Variants in MBNL2 observed in about 807,000 individuals in gnomAD.
MBNL2 encodes the protein muscleblind like splicing regulator 2, also known as muscleblind-like protein 2.
MBNL2 carries 17 observed loss-of-function variants against 41.9 expected under a neutral mutation model. The observed-to-expected ratio is 0.41, with a 90% CI of 0.28 to 0.61. The LOEUF (loss-of-function observed/expected upper bound fraction) is 0.61, where lower values mean the gene tolerates loss of function less well. Among genes scored for constraint, MBNL2 ranks in the 20% least tolerant of loss-of-function variants. The pLI is 0.35. For missense variants in MBNL2, 336 were observed against 505.6 expected (o/e 0.66, Z 3.22); for synonymous variants, 195 against 182.9 (o/e 1.07, Z -0.53).
chr13:97,193,338 G>A, the MBNL2 span, among the ~76,000 whole-genome samples: 1 of 152,214 alleles, frequency 6.6e-6, no homozygotes, highest in African/African-American at 2.4e-5. Context: ...AGGGCCCTAC[G>A]ACAGTTGAGG....
chr13:97,157,347 C>A, the MBNL2 span, among the ~76,000 whole-genome samples: 3 of 148,778 alleles, frequency 2.0e-5, no homozygotes, highest in African/African-American at 5.0e-5. Flanking sequence ...CAAACAGGGA[C>A]AAATTGACTT....
intron 8 of MBNL2, among the ~76,000 whole-genome samples, chr13:97,378,768 AT>A (rs936707896): frequency 3.3e-5 from 5 of 152,318 alleles, no homozygotes; most frequent in Admixed American, 6.5e-5. Flanking sequence ...CTGAAAAAAA[AT>A]TATTTAGGAT....
Position 97,248,289 on chromosome 13 carries a change from TTTTTGTATTTTTGTA to T in MBNL2, c.-605+25771_-605+25785del, listed in dbSNP as rs1345645942. Reference sequence around the variant, plus strand: ...GGCGTGTGCCACCACAACCAGTTAATTTTTGTATTTTTGTATTTTGTATTTTTAGTAGAGATGGGG... The same window carrying T: ...GGCGTGTGCCACCACAACCAGTTAATTTTTGTATTTTTAGTAGAGATGGGG... On this transcript the variant is annotated intron_variant, in intron 1 of 8. Coordinates refer to ENST00000679496, the MANE Select transcript of MBNL2 (RefSeq NM_001382683.1). Among the ~76,000 whole-genome samples the T allele has an allele frequency of 2.0e-5, 3 of 152,162 alleles. No individual in the cohort carries two copies. In the East Asian group the frequency reaches 5.8e-4, roughly 29 times the overall value.
At chr13:97,234,239 C>A (rs1367202472) in intron 1 of MBNL2, among the ~76,000 whole-genome samples, 1 of 152,180 alleles carries the variant, frequency 6.6e-6, no homozygotes, top group African/African-American at 2.4e-5. Flanking sequence ...TTTGGAGTAA[C>A]CCTAAGCAAA....
At position 97,357,485 on chromosome 13, in the gene MBNL2, T is replaced by G; in HGVS notation, c.862T>G (p.Phe288Val). The stretch of plus-strand genomic sequence containing the variant: ...TTATCGAATTCTTCATTTCTAGGCC[T>G]TTCCCCCTGGTGCTCTTCATCCTTT... ...RPLEATVDLA[F>V]PPGALHPLPK... is the part of the protein sequence containing the mutation. Residue 288 changes from phenylalanine (F) to valine (V), a missense_variant, in exon 7 of 9, where the codon TTT (phenylalanine) becomes GTT (valine). Transcript: ENST00000679496. 6.2e-7 allele frequency: 1 copy of G among 1,613,842 alleles called. No homozygotes were observed. The highest frequency in any genetic ancestry group is 8.5e-7 in the Non-Finnish European group (1 of 1,179,760).
the MBNL2 span, among the ~76,000 whole-genome samples, chr13:97,196,277 A>T: frequency 6.6e-6 from 1 of 152,186 alleles, no homozygotes; most frequent in Non-Finnish European, 1.5e-5. Context: ...AAGTATTAAG[A>T]TTGCACTACA....
chr13:97,280,712 C>G (rs1408421842), intron 2 of MBNL2, among the ~76,000 whole-genome samples: 2 of 152,212 alleles, frequency 1.3e-5, no homozygotes, highest in Non-Finnish European at 2.9e-5. Flanking sequence ...CCACTCCAGC[C>G]ACGCATCTTT....
chr13:97,222,191 G>A (rs2040916904), upstream of MBNL2: 2 of 382,830 alleles, frequency 5.2e-6, no homozygotes, highest in Non-Finnish European at 4.6e-6. Flanking sequence ...TTTACACACT[G>A]CAAGTGCTGT....
chr13:97,251,869 A>T (rs1293455914), intron 1 of MBNL2, among the ~76,000 whole-genome samples: 3 of 97,056 alleles, frequency 3.1e-5, no homozygotes, highest in Non-Finnish European at 5.5e-5. Context: ...TTTGAGACGG[A>T]GTCTCGCTCC....
At chr13:97,216,435 G>A (rs1220486561), upstream of MBNL2, among the ~76,000 whole-genome samples, 4 of 152,138 alleles carry the variant, frequency 2.6e-5, no homozygotes, top group African/African-American at 7.2e-5. Context: ...CATACTAAAG[G>A]ACAAAGAGGC....
At chr13:97,255,445 G>A (rs2047342904) in intron 1 of MBNL2, among the ~76,000 whole-genome samples, 1 of 152,162 alleles carries the variant, frequency 6.6e-6, no homozygotes, top group African/African-American at 2.4e-5. Context: ...TCACGTCTGA[G>A]TATGAAGACT....
intron 1 of MBNL2, among the ~76,000 whole-genome samples, chr13:97,245,537 G>A (rs1434886266): frequency 6.6e-6 from 1 of 152,166 alleles, no homozygotes; most frequent in Non-Finnish European, 1.5e-5. Flanking sequence ...GAAGTTGAAG[G>A]TTCTTTCTGC....
chr13:97,337,507 G>T (rs1003337252), intron 3 of MBNL2, among the ~76,000 whole-genome samples: 2 of 151,974 alleles, frequency 1.3e-5, no homozygotes, highest in African/African-American at 4.8e-5. Flanking sequence ...CTTTCCATCT[G>T]TCCTCTCCCT....
At chr13:97,224,628 CAAAAA>C (rs538498133) in intron 1 of MBNL2, among the ~76,000 whole-genome samples, 21 of 107,424 alleles carry the variant, frequency 2.0e-4, no homozygotes, top group East Asian at 8.9e-4. Context: ...GACCTTTTAC[CAAAAA>C]AAAAAAAAAA....
chr13:97,297,464 C>A (rs945459060), intron 2 of MBNL2, among the ~76,000 whole-genome samples: 1 of 152,096 alleles, frequency 6.6e-6, no homozygotes, highest in African/African-American at 2.4e-5. Context: ...AAAAACATCT[C>A]ATCAGACTTG....
chr13:97,351,926 G>C (rs1158822516), intron 5 of MBNL2, among the ~76,000 whole-genome samples: 1 of 152,034 alleles, frequency 6.6e-6, no homozygotes, highest in Non-Finnish European at 1.5e-5. Flanking sequence ...GAAGAGCTGA[G>C]GCATGAGAAT....
the MBNL2 span, among the ~76,000 whole-genome samples, chr13:97,181,925 T>C: frequency 4.7e-4 from 72 of 152,328 alleles, no homozygotes; most frequent in African/African-American, 1.6e-3. Flanking sequence ...AAAGTTGTCC[T>C]TCCATCAATG....
chr13:97,237,191 T>C (rs1371102408), intron 1 of MBNL2, among the ~76,000 whole-genome samples: 1 of 152,242 alleles, frequency 6.6e-6, no homozygotes, highest in Non-Finnish European at 1.5e-5. Context: ...ACCTCTGGTT[T>C]CTTGTGCCCA....
rs72001733 is a variant in MBNL2, at chr13:97,382,672, ATT to A, written c.1049-8632_1049-8631del. ...GATGCCATGGTTTCATCTGCCAACT[ATT>A]TTTTTTTTTTTTTTTTTGAAAAGGG... On this transcript the variant is annotated intron_variant, in intron 8 of 8. Transcript: ENST00000679496. Among the ~76,000 whole-genome samples, 1,072 of 125,570 alleles carry A rather than the reference ATT, an allele frequency of 8.5e-3. 14 individuals carry two copies. Among genetic ancestry groups the A allele is most frequent in the African/African-American group, 0.029 (988 of 33,516 alleles). 82.4% of individuals were successfully genotyped at this position (125,570 alleles called of 152,430 possible). A position where few individuals can be genotyped will look rare whatever the true frequency, so the allele number is the denominator to read the frequency against.
Sources: allele counts gnomAD v4.1 joint callset (sites outside exome capture counted in the v4.1 genomes callset), GRCh38; gene constraint gnomAD v4.1.1; transcripts MANE v1.5; gene names NCBI Gene and HGNC (gene_info 2026-07-23, HGNC 2026-07-21).